Variants in NTN1 observed in about 807,000 individuals in gnomAD.
The protein encoded by NTN1 is netrin-1.
Under a neutral mutation model 54.2 loss-of-function variants are expected in NTN1, and 11 were observed. The ratio of observed to expected loss-of-function variants is 0.20; its 90% confidence interval spans 0.13 to 0.34. NTN1 has a LOEUF of 0.34. NTN1 is among the 10% of genes least tolerant of loss of function. The probability of loss-of-function intolerance (pLI) is 1.00; values close to 1 mark genes in which losing one functional copy is unlikely to be tolerated. For missense variants in NTN1, 740 were observed against 893.1 expected (o/e 0.83, Z 2.18); for synonymous variants, 371 against 382.0 (o/e 0.97, Z 0.33).
intron 3 of NTN1, chr17:9,177,171 G>A (rs998055832): frequency 6.6e-6 from 1 of 152,266 alleles, no homozygotes; most frequent in Admixed American, 6.5e-5. Flanking sequence ...CCAGGAGCAA[G>A]CATCAGCTCA....
At chr17:9,003,212 G>A in the NTN1 span, among the ~76,000 whole-genome samples, 1 of 151,994 alleles carries the variant, frequency 6.6e-6, no homozygotes, top group Non-Finnish European at 1.5e-5. This position sits in a 1 kb window ranked among gnomAD's most constrained non-coding sequence, Gnocchi z 7.4. Context: ...CCGCGCTCGG[G>A]AAGCTCTGGC....
At chr17:9,096,971 C>T (rs1426617172) in intron 2 of NTN1, among the ~76,000 whole-genome samples, 1 of 152,164 alleles carries the variant, frequency 6.6e-6, no homozygotes, top group Non-Finnish European at 1.5e-5. Flanking sequence ...GTGGAGCTTA[C>T]TTATCTGTTT....
chr17:9,183,350 G>A (rs1206890656), intron 5 of NTN1: 4 of 515,214 alleles, frequency 7.8e-6, no homozygotes, highest in African/African-American at 1.9e-5. Flanking sequence ...AGGAGGCTTG[G>A]GCACAGGGTC....
chr17:9,113,648 G>C (rs1189249080), intron 2 of NTN1, among the ~76,000 whole-genome samples: 1 of 152,106 alleles, frequency 6.6e-6, no homozygotes, highest in Non-Finnish European at 1.5e-5. Context: ...GGAGAGGACA[G>C]TCCGAGACTA....
chr17:9,010,390 G>T, the NTN1 span, among the ~76,000 whole-genome samples: 1 of 152,182 alleles, frequency 6.6e-6, no homozygotes, highest in Non-Finnish European at 1.5e-5. Context: ...AATACAAACA[G>T]CAAGCACTTG....
intron 3 of NTN1, among the ~76,000 whole-genome samples, chr17:9,164,589 G>A (rs1404817091): frequency 1.3e-5 from 2 of 152,190 alleles, no homozygotes; most frequent in East Asian, 3.8e-4. Context: ...ACCCAGCCCT[G>A]CTTATGTGGA....
At chr17:9,108,916 G>C (rs2092179198) in intron 2 of NTN1, among the ~76,000 whole-genome samples, 1 of 151,672 alleles carries the variant, frequency 6.6e-6, no homozygotes, top group African/African-American at 2.4e-5. Context: ...TCCCTCTGTT[G>C]CCTAGGCTGG....
In NTN1 at chr17:9,037,257, T is replaced by A. The variant is rs114024385; in HGVS notation, c.1018+13866T>A. ...GTTTCTTTTGCTCAGCCTTATTTCC[T>A]TGTAAATAGTCTTAAACATAACTTT... is the stretch of plus-strand genomic sequence containing the variant. On this transcript the variant is annotated intron_variant, in intron 2 of 6. Transcript: ENST00000173229. Among the ~76,000 whole-genome samples, 265 of 152,350 alleles carry A rather than the reference T, an allele frequency of 1.7e-3. 1 individual carries two copies. The highest frequency in any genetic ancestry group is 6.1e-3 in the African/African-American group (255 of 41,572).
At chr17:9,161,833 A>G (rs2092357760) in intron 2 of NTN1, among the ~76,000 whole-genome samples, 1 of 152,174 alleles carries the variant, frequency 6.6e-6, no homozygotes, top group African/African-American at 2.4e-5. Context: ...TGCTGAGGGG[A>G]GCCTGTGGGA....
At chr17:9,179,731 T>G in intron 3 of NTN1, 76 bp from the exon 4 acceptor site, 1 of 1,536,418 alleles carries the variant, frequency 6.5e-7, no homozygotes, top group South Asian at 1.3e-5. Flanking sequence ...GAGGCAGCCC[T>G]GGGTAGGGAA....
intron 3 of NTN1, among the ~76,000 whole-genome samples, chr17:9,170,888 A>G (rs528253710): frequency 6.8e-6 from 1 of 148,072 alleles, no homozygotes; most frequent in East Asian, 2.1e-4. Context: ...ACACACTCAC[A>G]CACACACACT....
At chr17:9,231,656 C>T (rs558844484) in intron 6 of NTN1, among the ~76,000 whole-genome samples, 15 of 149,858 alleles carry the variant, frequency 1.0e-4, no homozygotes, top group African/African-American at 3.4e-4. Context: ...GGAGGTGGCA[C>T]CTTGGTGGAG....
rs186355271 is a variant in NTN1 at position 9,056,625 on chromosome 17, G to A, written c.1018+33234G>A. ...GTAGCTGGTCAGCCTCAGGTAGAGT[G>A]TGTGGGGTGCTGAGTGATGGCCTGG... On this transcript the variant is annotated intron_variant, in intron 2 of 6. Coordinates refer to ENST00000173229, the MANE Select transcript of NTN1 (RefSeq NM_004822.3). Among the ~76,000 whole-genome samples, 7 of 152,312 alleles carry A rather than the reference G, an allele frequency of 4.6e-5. No homozygotes were observed. In the East Asian group the frequency reaches 1.2e-3, roughly 25 times the overall value.
intron 2 of NTN1, among the ~76,000 whole-genome samples, chr17:9,106,967 T>C (rs9893230): frequency 0.8 from 121,329 of 151,836 alleles, 49,060 homozygotes; most frequent in East Asian, 0.96. Flanking sequence ...AACCACATAC[T>C]GATCGCATTT....
chr17:9,193,284 C>A (rs2142329821), intron 5 of NTN1, among the ~76,000 whole-genome samples: 1 of 152,154 alleles, frequency 6.6e-6, no homozygotes, highest in Non-Finnish European at 1.5e-5. Flanking sequence ...TGATTCAACT[C>A]ATTATAAACT....
chr17:9,122,175 C>T (rs531616325), intron 2 of NTN1, among the ~76,000 whole-genome samples: 1 of 152,066 alleles, frequency 6.6e-6, no homozygotes, highest in African/African-American at 2.4e-5. Flanking sequence ...GTAGCTGGGA[C>T]TACAGGTGCC....
intron 5 of NTN1, among the ~76,000 whole-genome samples, chr17:9,185,589 G>A (rs548148950): frequency 2.0e-5 from 3 of 151,716 alleles, no homozygotes; most frequent in Non-Finnish European, 4.4e-5. Context: ...TAGTGTCTGT[G>A]GGGGTCTGGG....
chr17:9,062,054 C>T (rs2092000642), intron 2 of NTN1, among the ~76,000 whole-genome samples: 3 of 152,154 alleles, frequency 2.0e-5, no homozygotes, highest in Admixed American at 2.0e-4. Context: ...TAAACGATGG[C>T]CACTGGATAT....
chr17:9,104,088 CA>C (rs55732200), intron 2 of NTN1, among the ~76,000 whole-genome samples: 73 of 70,828 alleles, frequency 1.0e-3, no homozygotes, highest in Middle Eastern at 0.012. Flanking sequence ...GACTCCATCT[CA>C]AAAAAAAAAA....
Sources: gnomAD v4.1 joint callset for allele counts (sites outside exome capture counted in the v4.1 genomes callset) on GRCh38, gnomAD v4.1.1 for gene constraint, Gnocchi (gnomAD v3.1) non-coding constraint, MANE v1.5 for transcripts, NCBI Gene and HGNC (gene_info 2026-07-23, HGNC 2026-07-21) for gene names.